The following TRIT1 variants were observed in gnomAD, a reference collection of about 807,000 sequenced individuals.
TRIT1 encodes tRNA dimethylallyltransferase.
Under a neutral mutation model 51.2 loss-of-function variants are expected in TRIT1, and 43 were observed. That is an observed-to-expected ratio of 0.84 (90% CI 0.66 to 1.08). The LOEUF is 1.08. Ranked by LOEUF, TRIT1 falls within the 50% of genes least tolerant of loss-of-function variation. TRIT1 has a pLI of 0.00. For missense variants in TRIT1, 528 were observed against 578.4 expected (o/e 0.91, Z 0.89); for synonymous variants, 184 against 203.9 (o/e 0.90, Z 0.83).
rs555546945 is a variant in TRIT1, at chr1:39,865,925, G to A, written c.175-8508C>T. On this transcript the variant is annotated intron_variant, in intron 1 of 10. Transcript: ENST00000316891. ...AGAAAAAGAAAGGAAGGAAGGGAGGGAAGGAATGAAAGGAAAAAGAAAGAA... is the reference window on the plus strand; with the variant it reads ...AGAAAAAGAAAGGAAGGAAGGGAGGAAAGGAATGAAAGGAAAAAGAAAGAA... 7.0e-4 allele frequency among the ~76,000 whole-genome samples: 100 copies of A among 143,026 alleles called. 1 individual carries two copies. Among genetic ancestry groups the A allele is most frequent in the Admixed American group, 5.8e-4 (8 of 13,842 alleles). The allele number at this position is 143,026 out of a possible 152,430, so 93.8% of individuals were successfully genotyped here.
At position 39,847,205 on chromosome 1, in the gene TRIT1, A is replaced by G; in HGVS notation, c.1006+15T>C. On this transcript the variant is annotated intron_variant, in intron 8 of 10. Transcript: ENST00000316891. ...GAAAACAGACCCATAGGATAAAGAAAAACATGAGACTTACTGCTCAAAAAA... is the reference window on the plus strand; with the variant it reads ...GAAAACAGACCCATAGGATAAAGAAGAACATGAGACTTACTGCTCAAAAAA... The G allele has an allele frequency of 6.2e-7, 1 of 1,612,270 alleles. No homozygotes were observed. Among genetic ancestry groups the G allele is most frequent in the East Asian group, 2.2e-5 (1 of 44,884 alleles).
At position 39,861,489 on chromosome 1, in the gene TRIT1, A is replaced by G. The variant is rs79532874; in HGVS notation, c.175-4072T>C. ...CCAAAAGAATTGAAAGCAGGGTGTT[A>G]AACAGATATTTACACATCCATGTTC... On this transcript the variant is annotated intron_variant, in intron 1 of 10. Transcript: ENST00000316891. Among the ~76,000 whole-genome samples, 8 of 152,376 alleles carry G rather than the reference A, an allele frequency of 5.3e-5. No individual in the cohort carries two copies. In the East Asian group the frequency reaches 1.5e-3, roughly 29 times the overall value.
chr1:39,877,686 T>C (rs997212400), intron 1 of TRIT1, among the ~76,000 whole-genome samples: 1 of 152,200 alleles, frequency 6.6e-6, no homozygotes, highest in East Asian at 1.9e-4. Context: ...GGCCCGGCAC[T>C]GTACCTTGAA....
intron 1 of TRIT1, among the ~76,000 whole-genome samples, chr1:39,870,608 A>G (rs974269083): frequency 7.7e-5 from 11 of 142,352 alleles, no homozygotes; most frequent in African/African-American, 2.4e-4. Context: ...AGAACTGCGG[A>G]AATTAAAAGA....
chr1:39,862,742 G>A (rs556934195), intron 1 of TRIT1: 1 of 983,470 alleles, frequency 1.0e-6, no homozygotes. Context: ...TACCAGCCTA[G>A]AAAACATTCA....
At chr1:39,865,088 T>A (rs1643461167) in intron 1 of TRIT1, among the ~76,000 whole-genome samples, 1 of 152,170 alleles carries the variant, frequency 6.6e-6, no homozygotes, top group African/African-American at 2.4e-5. Context: ...CTTACTGAGA[T>A]CATTAATGAA....
At chr1:39,874,819 CCAT>C (rs1643996664) in intron 1 of TRIT1, among the ~76,000 whole-genome samples, 1 of 151,976 alleles carries the variant, frequency 6.6e-6, no homozygotes, top group Non-Finnish European at 1.5e-5. Context: ...GCATGCACCA[CCAT>C]GCTTGACTAA....
intron 1 of TRIT1, among the ~76,000 whole-genome samples, chr1:39,869,412 T>C (rs1269385185): frequency 2.0e-5 from 3 of 152,206 alleles, no homozygotes; most frequent in African/African-American, 7.2e-5. Context: ...GTGCTCAATG[T>C]TGCACAGGCT....
chr1:39,861,941 A>G (rs60636449), intron 1 of TRIT1, among the ~76,000 whole-genome samples: 3 of 150,956 alleles, frequency 2.0e-5, no homozygotes, highest in Non-Finnish European at 4.4e-5. Flanking sequence ...AAAAAAAAAG[A>G]AAAAGAAAAA....
intron 1 of TRIT1, among the ~76,000 whole-genome samples, chr1:39,859,984 C>CTAGAGGCCCTTAAA (rs1553142880): frequency 6.6e-6 from 1 of 152,142 alleles, no homozygotes; most frequent in Non-Finnish European, 1.5e-5. Context: ...GGTGTATCTT[C>CTAGAGGCCCTTAAA]TAGAGGCCCT....
rs7315 is a variant in TRIT1 at position 39,841,226 on chromosome 1, T to C, written c.*518A>G. On this transcript the variant is annotated 3_prime_UTR_variant, in exon 11 of 11. Transcript: ENST00000316891. ...GATTCCCTCCTTCTCTGTAGAATTC[T>C]GAGAACTAGTTTGGTTCACTTAATC... 0.46 allele frequency: 69,619 copies of C among 152,142 alleles called. 16,461 individuals carry two copies. Among genetic ancestry groups the C allele is most frequent in the East Asian group, 0.6 (3,092 of 5,178 alleles). 9.4% of individuals were successfully genotyped at this position (152,142 alleles called of 1,614,324 possible).
intron 2 of TRIT1, among the ~76,000 whole-genome samples, chr1:39,854,596 A>C (rs1304654891): frequency 6.6e-6 from 1 of 152,138 alleles, no homozygotes; most frequent in Non-Finnish European, 1.5e-5. Flanking sequence ...ATAGACTTCA[A>C]TTTCCAGGTT....
intron 1 of TRIT1, among the ~76,000 whole-genome samples, chr1:39,863,588 T>C (rs940962728): frequency 7.2e-5 from 11 of 151,960 alleles, no homozygotes; most frequent in African/African-American, 1.9e-4. Flanking sequence ...TTGGGCATTA[T>C]AGAAAAATAT....
chr1:39,847,368 A>G, intron 7 of TRIT1, 71 bp from the exon 8 acceptor site: 2 of 1,525,202 alleles, frequency 1.3e-6, no homozygotes, highest in Non-Finnish European at 1.8e-6. Flanking sequence ...AGGCCCTCCC[A>G]GCCCAGCAGG....
chr1:39,850,010 T>C, intron 5 of TRIT1, 109 bp downstream of exon 5: 1 of 1,116,154 alleles, frequency 9.0e-7, no homozygotes, highest in South Asian at 1.5e-5. Flanking sequence ...AGCTAATACT[T>C]GTTTAGTGTT....
At chr1:39,863,713 C>T (rs1643374143) in intron 1 of TRIT1, among the ~76,000 whole-genome samples, 1 of 146,556 alleles carries the variant, frequency 6.8e-6, no homozygotes, top group South Asian at 2.2e-4. Context: ...GCTGAAATGC[C>T]TGGAGGAACT....
At chr1:39,853,755 A>T (rs1226092310) in intron 3 of TRIT1, among the ~76,000 whole-genome samples, 1 of 152,194 alleles carries the variant, frequency 6.6e-6, no homozygotes, top group Non-Finnish European at 1.5e-5. Flanking sequence ...TAATCCACAC[A>T]GCAACATTTT....
intron 1 of TRIT1, among the ~76,000 whole-genome samples, chr1:39,864,391 C>T (rs377061244): frequency 5.9e-5 from 9 of 151,494 alleles, no homozygotes; most frequent in Admixed American, 2.6e-4. Context: ...AGGTGGATCA[C>T]GAGGTCAGGA....
At position 39,841,731 on chromosome 1, in the gene TRIT1, C is replaced by T. The variant is rs1641913569; in HGVS notation, c.*13G>A. On this transcript the variant is annotated 3_prime_UTR_variant, in exon 11 of 11. Coordinates refer to ENST00000316891, the MANE Select transcript of TRIT1 (RefSeq NM_017646.6). ...ATCCCCACCACCTTTCCAAAGGCCA[C>T]TGGACATGTCTCTTAAACGCTGCAT... 3 of 1,602,396 alleles carry T rather than the reference C, an allele frequency of 1.9e-6. No homozygotes were observed. The highest frequency in any genetic ancestry group is 1.3e-5 in the African/African-American group (1 of 74,314).
Sources: allele counts gnomAD v4.1 joint callset (sites outside exome capture counted in the v4.1 genomes callset), GRCh38; gene constraint gnomAD v4.1.1; transcripts MANE v1.5; gene names NCBI Gene and HGNC (gene_info 2026-07-23, HGNC 2026-07-21).